The following GLIS3 variants were observed in gnomAD, a reference collection of about 807,000 sequenced individuals.
The protein encoded by GLIS3 is GLIS family zinc finger 3, also known as zinc finger protein GLIS3.
A neutral mutation model predicts 78.6 loss-of-function variants in GLIS3; 53 were observed. The observed-to-expected ratio is 0.67, with a 90% CI of 0.54 to 0.85. The LOEUF (loss-of-function observed/expected upper bound fraction) is 0.85, where lower values mean the gene tolerates loss of function less well. Ranked by LOEUF, GLIS3 falls within the 40% of genes least tolerant of loss-of-function variation. The probability of loss-of-function intolerance (pLI) is 0.00; values close to 1 mark genes in which losing one functional copy is unlikely to be tolerated. For missense variants in GLIS3, 1,703 were observed against 1,231.1 expected, an observed-to-expected ratio of 1.38 and a Z score of -5.74; for synonymous variants, 684 against 509.9, an observed-to-expected ratio of 1.34 and a Z score of -4.60.
At chr9:4,185,165 CTTT>C (rs1353972056) in intron 2 of GLIS3, among the ~76,000 whole-genome samples, 1 of 152,158 alleles carries the variant, frequency 6.6e-6, no homozygotes, top group African/African-American at 2.4e-5. Flanking sequence ...ATCAATTTGA[CTTT>C]TTTAACACTT....
chr9:4,272,532 T>G (rs1462432028), intron 2 of GLIS3, among the ~76,000 whole-genome samples: 1 of 152,204 alleles, frequency 6.6e-6, no homozygotes, highest in African/African-American at 2.4e-5. Flanking sequence ...TGTTCTCTTA[T>G]TTTCAATGGG....
At chr9:4,144,906 A>G (rs1834094591) in intron 2 of GLIS3, 1 of 152,244 alleles carries the variant, frequency 6.6e-6, no homozygotes, top group Non-Finnish European at 1.5e-5. Context: ...TATTTACAAG[A>G]GTTACTTGTT....
At chr9:4,488,588 C>T in the GLIS3 span, among the ~76,000 whole-genome samples, 1 of 151,874 alleles carries the variant, frequency 6.6e-6, no homozygotes, top group African/African-American at 2.4e-5. Flanking sequence ...AGCGTGATCT[C>T]GGCTCACCGC....
chr9:4,109,402 G>A (rs1831030855), intron 4 of GLIS3, among the ~76,000 whole-genome samples: 1 of 152,072 alleles, frequency 6.6e-6, no homozygotes. Context: ...ATTTTTAATT[G>A]TTTTCTTTAA....
chr9:4,145,720 C>G (rs1418927934), intron 2 of GLIS3, among the ~76,000 whole-genome samples: 1 of 151,972 alleles, frequency 6.6e-6, no homozygotes, highest in Non-Finnish European at 1.5e-5. Context: ...CCTTCTCTTC[C>G]TGCCAGCTTC....
chr9:4,225,422 T>G (rs970307381), intron 2 of GLIS3, among the ~76,000 whole-genome samples: 13 of 152,142 alleles, frequency 8.5e-5, no homozygotes, highest in Non-Finnish European at 1.6e-4. Context: ...CATTAGAAAA[T>G]GCATGAGTAA....
chr9:4,372,711 T>G, the GLIS3 span, among the ~76,000 whole-genome samples: 9 of 152,332 alleles, frequency 5.9e-5, no homozygotes, highest in African/African-American at 2.2e-4. Flanking sequence ...TCTGCTTAAA[T>G]ACATGATTTT....
At position 4,070,166 on chromosome 9, in the gene GLIS3, G is replaced by A. The variant is rs373036113; in HGVS notation, c.1710+47602C>T. On this transcript the variant is annotated intron_variant, in intron 4 of 10. Transcript: ENST00000381971. ...CCTCTGCTTAAGTTGAGATTTTGTG[G>A]TTGAGTCAGCTTTATAGAATAGTAT... 1.4e-4 allele frequency among the ~76,000 whole-genome samples: 22 copies of A among 152,194 alleles called. No homozygotes were observed. The East Asian group carries it at 3.7e-3, about 25-fold the overall frequency.
intron 4 of GLIS3, among the ~76,000 whole-genome samples, chr9:4,114,144 A>T (rs1360419196): frequency 6.6e-6 from 1 of 151,888 alleles, no homozygotes. Flanking sequence ...CCCTCTACTC[A>T]CTCTGCCCCA....
At chr9:4,330,931 A>C (rs1025341428) in intron 2 of GLIS3, among the ~76,000 whole-genome samples, 4 of 152,208 alleles carry the variant, frequency 2.6e-5, no homozygotes, top group African/African-American at 7.2e-5. Flanking sequence ...CTGAAGGATC[A>C]CATTAGCTGT....
the GLIS3 span, among the ~76,000 whole-genome samples, chr9:4,354,058 T>C: frequency 2.0e-5 from 3 of 150,074 alleles, no homozygotes; most frequent in Admixed American, 6.7e-5. Flanking sequence ...GGATGGTCTC[T>C]ATCTCCTGAC....
At chr9:3,941,610 G>A (rs983036119) in intron 4 of GLIS3, among the ~76,000 whole-genome samples, 1 of 152,028 alleles carries the variant, frequency 6.6e-6, no homozygotes. Flanking sequence ...GCACAGAAGG[G>A]GAGCCATCAT....
intron 4 of GLIS3, among the ~76,000 whole-genome samples, chr9:4,306,292 G>A (rs145208974): frequency 2.5e-4 from 37 of 150,228 alleles, no homozygotes; most frequent in Non-Finnish European, 4.0e-4. Context: ...CCAGGCTGTG[G>A]GTTTTTCAGG....
At chr9:3,843,872 G>A (rs1818874418) in intron 9 of GLIS3, among the ~76,000 whole-genome samples, 1 of 152,192 alleles carries the variant, frequency 6.6e-6, no homozygotes, top group Admixed American at 6.5e-5. Flanking sequence ...AACGTAAGAA[G>A]GGAGGGTTCA....
chr9:4,059,829 T>TGAGAGAGAGAGAGA (rs1004608610), intron 4 of GLIS3, among the ~76,000 whole-genome samples: 27 of 100,704 alleles, frequency 2.7e-4, no homozygotes, highest in African/African-American at 7.1e-4. Flanking sequence ...TGTGTGTGTG[T>TGAGAGAGAGAGAGA]GAGAGAGAGA....
chr9:3,886,904 G>A (rs1315618299), intron 7 of GLIS3, among the ~76,000 whole-genome samples: 3 of 152,184 alleles, frequency 2.0e-5, no homozygotes, highest in Non-Finnish European at 2.9e-5. Context: ...CCAATGAGTA[G>A]AAGGAGCTGG....
intron 2 of GLIS3, among the ~76,000 whole-genome samples, chr9:4,128,126 T>A (rs1832714293): frequency 6.6e-6 from 1 of 152,228 alleles, no homozygotes. Context: ...TTTTAACCCT[T>A]ATCTTGTTCA....
At chr9:4,253,980 T>C (rs111828222) in intron 2 of GLIS3, among the ~76,000 whole-genome samples, 2 of 152,146 alleles carry the variant, frequency 1.3e-5, no homozygotes, top group South Asian at 2.1e-4. Flanking sequence ...GGTACCTCAG[T>C]TGGAAATGCA....
intron 2 of GLIS3, among the ~76,000 whole-genome samples, chr9:4,223,328 G>A (rs945351012): frequency 1.3e-5 from 2 of 152,138 alleles, no homozygotes; most frequent in African/African-American, 4.8e-5. Context: ...GGGTGAGAAG[G>A]ATACACAGCC....
Sources: allele counts gnomAD v4.1 joint callset (sites outside exome capture counted in the v4.1 genomes callset), GRCh38; gene constraint gnomAD v4.1.1; transcripts MANE v1.5; gene names NCBI Gene and HGNC (gene_info 2026-07-23, HGNC 2026-07-21).